LIMS1: variants seen among roughly 807,000 people sequenced by gnomAD.
The protein encoded by LIMS1 is LIM zinc finger domain containing 1, also known as LIM and senescent cell antigen-like-containing domain protein 1.
In LIMS1, 18 loss-of-function variants were observed where a neutral mutation model predicts 44.1. The observed-to-expected ratio is 0.41, with a 90% confidence interval of 0.28 to 0.61. LIMS1 has a LOEUF of 0.61. LIMS1 is among the 20% of genes least tolerant of loss of function. The pLI is 0.32. For missense variants in LIMS1, 201 were observed against 422.0 expected, an observed-to-expected ratio of 0.48 and a Z score of 4.59; for synonymous variants, 93 against 149.1, an observed-to-expected ratio of 0.62 and a Z score of 2.74.
chr2:108,544,683 C>T (rs1160779743), intron 1 of LIMS1, among the ~76,000 whole-genome samples: 7 of 151,938 alleles, frequency 4.6e-5, no homozygotes, highest in Admixed American at 2.0e-4. Flanking sequence ...TTAGTAGAGA[C>T]GGGTTTTCAC....
chr2:108,686,793 G>A (rs950805937), exon 10 of LIMS1: 1 of 149,540 alleles, frequency 6.7e-6, no homozygotes, highest in Non-Finnish European at 1.5e-5. Context: ...AAAAAAAAGT[G>A]TAAGTGGATT....
At chr2:108,632,184 T>G (rs796312851) in intron 1 of LIMS1, among the ~76,000 whole-genome samples, 14 of 152,292 alleles carry the variant, frequency 9.2e-5, no homozygotes, top group African/African-American at 3.4e-4. Flanking sequence ...TTGGCCAGGC[T>G]GGTCTCGAAC....
chr2:108,616,332 CT>C (rs1421984388), intron 1 of LIMS1, among the ~76,000 whole-genome samples: 1 of 150,924 alleles, frequency 6.6e-6, no homozygotes, highest in Non-Finnish European at 1.5e-5. Flanking sequence ...CCATCTCAGT[CT>C]CCCTCGTAGT....
At chr2:108,534,684 G>C in intron 1 of LIMS1, 90 bp downstream of exon 1, 1 of 750,482 alleles carries the variant, frequency 1.3e-6, no homozygotes, top group Non-Finnish European at 1.6e-6. Context: ...TGGCGCGGGC[G>C]GGCGGCCGGG....
chr2:108,548,733 A>C (rs1684574523), intron 1 of LIMS1, among the ~76,000 whole-genome samples: 1 of 152,222 alleles, frequency 6.6e-6, no homozygotes, highest in African/African-American at 2.4e-5. Flanking sequence ...CACATCTCTG[A>C]TAATTTGCTC....
chr2:108,630,812 C>T (rs913423350), intron 1 of LIMS1, among the ~76,000 whole-genome samples: 8 of 151,936 alleles, frequency 5.3e-5, no homozygotes, highest in Non-Finnish European at 1.2e-4. Context: ...TTGAGTGGGA[C>T]GAGGAGGAAA....
At chr2:108,627,125 G>A (rs1339869445) in intron 1 of LIMS1, among the ~76,000 whole-genome samples, 2 of 152,134 alleles carry the variant, frequency 1.3e-5, no homozygotes, top group Non-Finnish European at 2.9e-5. Flanking sequence ...TGTGGCCTTG[G>A]AGCAACAGGC....
At position 108,656,317 on chromosome 2, in the gene LIMS1, CTATAGATAGATA is replaced by C. The variant is rs1426247235; in HGVS notation, c.33-3287_33-3276del. ...TACATATAAATATCTATCTATCTAT[CTATAGATAGATA>C]GATAGATAGATAGATAGATAGATAC... On this transcript the variant is annotated intron_variant, in intron 1 of 9. Transcript: ENST00000544547. 8.4e-4 allele frequency among the ~76,000 whole-genome samples: 117 copies of C among 139,892 alleles called. 2 individuals are homozygous for C. The highest frequency in any genetic ancestry group is 7.3e-3 in the South Asian group (31 of 4,218). 91.8% of individuals were successfully genotyped at this position (139,892 alleles called of 152,430 possible).
chr2:108,572,911 A>G (rs934741032), intron 1 of LIMS1, among the ~76,000 whole-genome samples: 1 of 152,186 alleles, frequency 6.6e-6, no homozygotes, highest in African/African-American at 2.4e-5. Context: ...CATAAATTGC[A>G]GTAGTAAACT....
At chr2:108,644,537 G>A (rs1689930615) in intron 1 of LIMS1, among the ~76,000 whole-genome samples, 1 of 152,104 alleles carries the variant, frequency 6.6e-6, no homozygotes, top group Non-Finnish European at 1.5e-5. Flanking sequence ...ACGAAGATGG[G>A]GAGAAACCAG....
At chr2:108,534,531 G>T in exon 1 of LIMS1, 1 of 1,207,774 alleles carries the variant, frequency 8.3e-7, no homozygotes, top group Non-Finnish European at 1.0e-6. Context: ...GAGACGAGGG[G>T]CTGAGAGACG....
At chr2:108,632,877 CTG>C (rs1689010262) in intron 1 of LIMS1, among the ~76,000 whole-genome samples, 2 of 152,310 alleles carry the variant, frequency 1.3e-5, no homozygotes, top group Middle Eastern at 6.8e-3. Flanking sequence ...TACAGGCAAT[CTG>C]TACCTGCATA....
At chr2:108,647,266 A>T (rs1690136199) in intron 1 of LIMS1, among the ~76,000 whole-genome samples, 1 of 152,196 alleles carries the variant, frequency 6.6e-6, no homozygotes, top group Non-Finnish European at 1.5e-5. Flanking sequence ...CTAAACCAAG[A>T]AGAAGTCAAA....
intron 1 of LIMS1, among the ~76,000 whole-genome samples, chr2:108,617,624 C>A (rs17269446): frequency 6.6e-6 from 1 of 152,166 alleles, no homozygotes; most frequent in Non-Finnish European, 1.5e-5. Flanking sequence ...GACTGTCTTC[C>A]ATGTCCCTGG....
At chr2:108,650,184 T>C (rs952663053) in intron 1 of LIMS1, among the ~76,000 whole-genome samples, 2 of 152,238 alleles carry the variant, frequency 1.3e-5, no homozygotes, top group Admixed American at 1.3e-4. Flanking sequence ...CAAATTTGTT[T>C]GCATTTCTTA....
chr2:108,628,916 G>C (rs947721089), intron 1 of LIMS1, among the ~76,000 whole-genome samples: 1 of 152,244 alleles, frequency 6.6e-6, no homozygotes, highest in Admixed American at 6.5e-5. Context: ...AGCCTTCCGA[G>C]TAGCTGAGAC....
At chr2:108,647,740 A>G (rs1415141712) in intron 1 of LIMS1, among the ~76,000 whole-genome samples, 2 of 152,236 alleles carry the variant, frequency 1.3e-5, no homozygotes, top group Non-Finnish European at 2.9e-5. Context: ...TAGATGCACA[A>G]AAGGCCTCGA....
At chr2:108,552,585 G>GGTGTGTGTGTGTGTGTGT (rs151262934) in intron 1 of LIMS1, among the ~76,000 whole-genome samples, 14 of 101,904 alleles carry the variant, frequency 1.4e-4, no homozygotes, top group African/African-American at 3.3e-4. Context: ...ATATATTTTG[G>GGTGTGTGTGTGTGTGTGT]GTGTGTGTGT....
At chr2:108,537,289 A>G (rs1331458556) in intron 1 of LIMS1, among the ~76,000 whole-genome samples, 1 of 152,322 alleles carries the variant, frequency 6.6e-6, no homozygotes, top group East Asian at 1.9e-4. Context: ...TTTAAGAACC[A>G]CTGTTAAAGA....
Sources: allele counts gnomAD v4.1 joint callset (sites outside exome capture counted in the v4.1 genomes callset), GRCh38; gene constraint gnomAD v4.1.1; transcripts MANE v1.5; gene names NCBI Gene and HGNC (gene_info 2026-07-23, HGNC 2026-07-21).